The following SLC25A33 variants were observed in gnomAD, a reference collection of about 807,000 sequenced individuals.
SLC25A33 encodes the protein bone marrow stromal cell mitochondrial carrier protein.
A neutral mutation model predicts 35.5 loss-of-function variants in SLC25A33; 15 were observed. The observed-to-expected ratio is 0.42, with a 90% CI of 0.28 to 0.65. The LOEUF (loss-of-function observed/expected upper bound fraction) is 0.65. Among genes scored for constraint, SLC25A33 ranks in the 30% least tolerant of loss-of-function variants. SLC25A33 has a pLI of 0.20. For synonymous variants in SLC25A33, 136 were observed against 148.7 expected (o/e 0.91, Z 0.62); for missense variants, 257 against 398.5 (o/e 0.64, Z 3.02).
intron 2 of SLC25A33, among the ~76,000 whole-genome samples, chr1:9,559,500 T>G (rs1488318097): frequency 6.6e-6 from 1 of 152,112 alleles, no homozygotes; most frequent in Non-Finnish European, 1.5e-5. Flanking sequence ...AGGTTTTGTT[T>G]TTTTTTAACC....
intron 1 of SLC25A33, among the ~76,000 whole-genome samples, chr1:9,546,638 A>C (rs543671117): frequency 6.6e-6 from 1 of 152,180 alleles, no homozygotes; most frequent in East Asian, 1.9e-4. Flanking sequence ...TATGTTAGTA[A>C]AACTCTTTAA....
intron 1 of SLC25A33, among the ~76,000 whole-genome samples, chr1:9,548,064 G>A (rs1317792230): frequency 6.6e-6 from 1 of 151,892 alleles, no homozygotes; most frequent in African/African-American, 2.4e-5. Flanking sequence ...TTGTAGAGAT[G>A]GGTTTTCACC....
intron 3 of SLC25A33, 84 bp downstream of exon 3, chr1:9,567,445 T>C: frequency 3.2e-6 from 4 of 1,253,298 alleles, no homozygotes; most frequent in Non-Finnish European, 3.4e-6. Flanking sequence ...TGCTGCTGAA[T>C]GACCAGTGTC....
intron 1 of SLC25A33, 26 bp downstream of exon 1, chr1:9,539,773 CG>C: frequency 7.4e-7 from 1 of 1,348,370 alleles, no homozygotes; most frequent in South Asian, 1.8e-5. Flanking sequence ...CAGCCGCGCG[CG>C]CCCCACCGCC....
chr1:9,557,145 C>T (rs1056249322), intron 2 of SLC25A33, among the ~76,000 whole-genome samples: 2 of 152,170 alleles, frequency 1.3e-5, no homozygotes, highest in Admixed American at 1.3e-4. Flanking sequence ...GTTGGTCAGG[C>T]GGGTCTCAAA....
intron 2 of SLC25A33, among the ~76,000 whole-genome samples, chr1:9,562,004 G>A (rs1029229838): frequency 3.4e-5 from 5 of 148,996 alleles, no homozygotes; most frequent in Non-Finnish European, 7.4e-5. Flanking sequence ...AGTGAGCCGA[G>A]ATCATGCCAC....
At chr1:9,551,303 G>A (rs913834057) in intron 1 of SLC25A33, among the ~76,000 whole-genome samples, 1 of 152,118 alleles carries the variant, frequency 6.6e-6, no homozygotes, top group African/African-American at 2.4e-5. Context: ...AATCCAGGAG[G>A]CAGAGGTTGC....
rs1474791663 is a variant in SLC25A33, at chr1:9,567,308, A to G, written c.261A>G (p.Pro87=). 1 of 1,614,040 alleles carries G rather than the reference A, an allele frequency of 6.2e-7. No homozygotes were observed. Residue 87 remains proline, a synonymous_variant, in exon 3 of 7, where the codon CCA becomes CCG. Transcript: ENST00000302692. ...GGTCGATCTTGGAGAAAGAGGGACC[A>G]AAGTCACTTTTTAGAGGCTTGGGTC... ...VLKSILEKEG[P]KSLFRGLGPN... is the part of the protein sequence containing the mutation.
intron 2 of SLC25A33, among the ~76,000 whole-genome samples, chr1:9,559,373 A>T (rs1643388456): frequency 6.6e-6 from 1 of 152,138 alleles, no homozygotes; most frequent in Non-Finnish European, 1.5e-5. Flanking sequence ...TACAAATTGA[A>T]TGCATGAGTT....
chr1:9,553,613 GTT>G lies in SLC25A33; in HGVS notation c.57-11_57-10del, dbSNP rs767111307. The G allele has an allele frequency of 1.9e-6, 3 of 1,612,596 alleles. No homozygotes were observed. Among genetic ancestry groups the G allele is most frequent in the Non-Finnish European group, 2.5e-6 (3 of 1,179,888 alleles). ...AGTATAGCTTCTCTGATCTGCTTTG[GTT>G]TCCCTTACAGGTGTGGAGGCACAGT... On this transcript the variant is annotated splice_polypyrimidine_tract_variant and intron_variant, in intron 1 of 6. Coordinates refer to ENST00000302692, the MANE Select transcript of SLC25A33 (RefSeq NM_032315.3).
At chr1:9,540,164 G>C (rs1016964038) in intron 1 of SLC25A33, among the ~76,000 whole-genome samples, 1 of 152,162 alleles carries the variant, frequency 6.6e-6, no homozygotes, top group African/African-American at 2.4e-5. Context: ...GCTGATGCTC[G>C]GGTGTGCCCG....
intron 2 of SLC25A33, among the ~76,000 whole-genome samples, chr1:9,559,434 G>A (rs553734608): frequency 2.0e-5 from 3 of 151,930 alleles, no homozygotes; most frequent in East Asian, 1.9e-4. Context: ...CCCTCCCTCC[G>A]TGTAAATAAT....
intron 1 of SLC25A33, among the ~76,000 whole-genome samples, chr1:9,540,058 G>A (rs1429595655): frequency 3.3e-5 from 5 of 152,072 alleles, no homozygotes; most frequent in African/African-American, 1.2e-4. Context: ...CTCGGCGGCG[G>A]TCCAGCCTGG....
chr1:9,551,116 C>T (rs774552602), intron 1 of SLC25A33, among the ~76,000 whole-genome samples: 1 of 152,086 alleles, frequency 6.6e-6, no homozygotes, highest in Non-Finnish European at 1.5e-5. Flanking sequence ...AGGTGCGTGG[C>T]TCACGCCTGT....
intron 2 of SLC25A33, among the ~76,000 whole-genome samples, chr1:9,558,472 TCA>T (rs142461228): frequency 0.035 from 5,314 of 152,272 alleles, 297 homozygotes; most frequent in African/African-American, 0.12. Context: ...GCTCTGAGCC[TCA>T]CACGCTCCAT....
intron 1 of SLC25A33, among the ~76,000 whole-genome samples, chr1:9,551,585 T>G (rs1643267580): frequency 6.6e-6 from 1 of 152,152 alleles, no homozygotes; most frequent in African/African-American, 2.4e-5. Flanking sequence ...ATGCTGGTGC[T>G]CTATCATTTT....
chr1:9,552,600 TC>T (rs1643281629), intron 1 of SLC25A33, among the ~76,000 whole-genome samples: 1 of 152,302 alleles, frequency 6.6e-6, no homozygotes, highest in Non-Finnish European at 1.5e-5. Context: ...AATAGTATCT[TC>T]ACCTGAATGA....
intron 2 of SLC25A33, among the ~76,000 whole-genome samples, chr1:9,564,131 C>T (rs1643465088): frequency 6.6e-6 from 1 of 152,088 alleles, no homozygotes; most frequent in South Asian, 2.1e-4. Flanking sequence ...GGAAATTGAA[C>T]CATTGAAGAG....
chr1:9,559,507 A>C (rs1463900956), intron 2 of SLC25A33, among the ~76,000 whole-genome samples: 1 of 151,106 alleles, frequency 6.6e-6, no homozygotes, highest in Non-Finnish European at 1.5e-5. Flanking sequence ...GTTTTTTTTT[A>C]ACCTTAAAGT....
Sources: gnomAD v4.1 joint callset for allele counts (sites outside exome capture counted in the v4.1 genomes callset) on GRCh38, gnomAD v4.1.1 for gene constraint, MANE v1.5 for transcripts, NCBI Gene and HGNC (gene_info 2026-07-23, HGNC 2026-07-21) for gene names.